Variants in PTPRD observed in about 807,000 individuals in gnomAD.
PTPRD encodes receptor-type tyrosine-protein phosphatase delta.
PTPRD carries 34 observed loss-of-function variants against 214.5 expected under a neutral mutation model. That is an observed-to-expected ratio of 0.16 (90% CI 0.12 to 0.21). The LOEUF (loss-of-function observed/expected upper bound fraction) is 0.21. PTPRD is among the 10% of genes least tolerant of loss of function. The probability of loss-of-function intolerance (pLI) is 1.00; values close to 1 mark genes in which losing one functional copy is unlikely to be tolerated. For missense variants in PTPRD, 2,545 were observed against 2,398.7 expected (o/e 1.06, Z -1.27); for synonymous variants, 1,128 against 845.7 (o/e 1.33, Z -5.79).
intron 2 of PTPRD, among the ~76,000 whole-genome samples, chr9:10,449,833 A>T (rs1156384200): frequency 1.1e-4 from 17 of 151,954 alleles, no homozygotes; most frequent in Admixed American, 3.3e-4. Context: ...AAGAGAGATC[A>T]GATTGTTACT....
At chr9:10,073,165 T>G (rs1331979721) in intron 3 of PTPRD, among the ~76,000 whole-genome samples, 8 of 152,004 alleles carry the variant, frequency 5.3e-5, no homozygotes, top group Admixed American at 5.3e-4. Flanking sequence ...CCCACAAGGT[T>G]TTAGGGCAGT....
At chr9:9,775,603 A>G (rs1003734123) in intron 5 of PTPRD, among the ~76,000 whole-genome samples, 1 of 152,148 alleles carries the variant, frequency 6.6e-6, no homozygotes, top group Non-Finnish European at 1.5e-5. Context: ...CTTCAATTTT[A>G]TCTTCATCCA....
intron 8 of PTPRD, among the ~76,000 whole-genome samples, chr9:9,467,752 C>G (rs981507928): frequency 6.6e-6 from 1 of 151,896 alleles, no homozygotes; most frequent in Non-Finnish European, 1.5e-5. Flanking sequence ...TAGGTATTGA[C>G]TTTTCTGCAT....
At chr9:10,350,086 G>A (rs923254390) in intron 2 of PTPRD, among the ~76,000 whole-genome samples, 1 of 152,208 alleles carries the variant, frequency 6.6e-6, no homozygotes, top group African/African-American at 2.4e-5. Context: ...TGACACTATT[G>A]ATTAGACAAT....
chr9:8,598,269 T>C (rs1024154785), intron 14 of PTPRD, among the ~76,000 whole-genome samples: 3 of 152,092 alleles, frequency 2.0e-5, no homozygotes, highest in African/African-American at 4.8e-5. Flanking sequence ...CTGGCCAACA[T>C]GGTGAAACCC....
At chr9:9,608,897 T>G (rs2094348661) in intron 7 of PTPRD, among the ~76,000 whole-genome samples, 1 of 152,194 alleles carries the variant, frequency 6.6e-6, no homozygotes, top group Admixed American at 6.5e-5. Flanking sequence ...CTCCAACACT[T>G]CATTTATTGT....
At chr9:9,275,145 ATAATATAT>A (rs1944842657) in intron 9 of PTPRD, among the ~76,000 whole-genome samples, 1 of 62,768 alleles carries the variant, frequency 1.6e-5, no homozygotes, top group African/African-American at 7.6e-5. Context: ...TAATATATAT[ATAATATAT>A]TATATATATA....
chr9:10,201,258 T>C (rs186356502), intron 3 of PTPRD, among the ~76,000 whole-genome samples: 7 of 152,140 alleles, frequency 4.6e-5, no homozygotes, highest in Admixed American at 2.0e-4. Flanking sequence ...AACATTGATT[T>C]AGAAAATCTG....
intron 7 of PTPRD, among the ~76,000 whole-genome samples, chr9:9,694,504 G>T (rs573597808): frequency 3.4e-4 from 51 of 152,046 alleles, no homozygotes; most frequent in Non-Finnish European, 6.8e-4. Flanking sequence ...TGCTGGGTCA[G>T]ATCTGAAGCC....
At chr9:10,137,503 A>C (rs1300169136) in intron 3 of PTPRD, among the ~76,000 whole-genome samples, 1 of 74,028 alleles carries the variant, frequency 1.4e-5, no homozygotes, top group African/African-American at 5.9e-5. Flanking sequence ...TTGAACAATG[A>C]GATCACATGG....
Position 8,588,428 on chromosome 9 carries a change from A to C in PTPRD, c.352+44889T>G, listed in dbSNP as rs558300727. Among the ~76,000 whole-genome samples the C allele has an allele frequency of 1.0e-3, 153 of 152,338 alleles. 3 individuals are homozygous for C. The South Asian group carries it at 0.031, about 31-fold the overall frequency. On this transcript the variant is annotated intron_variant, in intron 14 of 45. Transcript: ENST00000381196. ...TGTGTTTTGGAAGTTCAAGTCTCCAACACTATGAAATATAAAAGACACAAC... is the reference window on the plus strand; with the variant it reads ...TGTGTTTTGGAAGTTCAAGTCTCCACCACTATGAAATATAAAAGACACAAC...
At chr9:9,232,529 C>T (rs937671455) in intron 9 of PTPRD, among the ~76,000 whole-genome samples, 1 of 152,006 alleles carries the variant, frequency 6.6e-6, no homozygotes, top group Non-Finnish European at 1.5e-5. Flanking sequence ...AAAATATAAA[C>T]ATTTCACTGT....
intron 34 of PTPRD, chr9:8,437,327 A>G: frequency 9.2e-7 from 1 of 1,089,474 alleles, no homozygotes; most frequent in East Asian, 2.6e-5. Context: ...TATTTTTTAA[A>G]AGGACTAATT....
intron 7 of PTPRD, among the ~76,000 whole-genome samples, chr9:9,635,096 A>T (rs2095715859): frequency 6.6e-6 from 1 of 152,200 alleles, no homozygotes; most frequent in South Asian, 2.1e-4. Context: ...AGACCATTAG[A>T]GATACAGTGT....
chr9:9,839,496 G>T (rs1403958843), intron 5 of PTPRD, among the ~76,000 whole-genome samples: 2 of 151,960 alleles, frequency 1.3e-5, no homozygotes, highest in Non-Finnish European at 2.9e-5. Context: ...AACTTACAAG[G>T]GACATGAAGG....
chr9:9,540,999 C>A (rs2077478082), intron 8 of PTPRD, among the ~76,000 whole-genome samples: 1 of 151,498 alleles, frequency 6.6e-6, no homozygotes, highest in Admixed American at 6.6e-5. Flanking sequence ...AAAAAAACAA[C>A]TAAAAAGGAC....
At chr9:9,311,035 T>G (rs546210346) in intron 9 of PTPRD, among the ~76,000 whole-genome samples, 1 of 151,730 alleles carries the variant, frequency 6.6e-6, no homozygotes, top group East Asian at 2.0e-4. Context: ...TTCAGCAACC[T>G]TAGCAAATTA....
At chr9:9,853,158 C>T (rs951473838) in intron 5 of PTPRD, among the ~76,000 whole-genome samples, 8 of 152,142 alleles carry the variant, frequency 5.3e-5, no homozygotes, top group South Asian at 2.1e-4. Flanking sequence ...TGTAAAGGGG[C>T]AGATAGTAAA....
At chr9:10,511,931 C>CGTGT (rs1412902752) in intron 2 of PTPRD, among the ~76,000 whole-genome samples, 1 of 63,806 alleles carries the variant, frequency 1.6e-5, no homozygotes, top group African/African-American at 6.1e-5. Flanking sequence ...TATATATATA[C>CGTGT]GTGTATATAT....
Sources: allele counts gnomAD v4.1 joint callset (sites outside exome capture counted in the v4.1 genomes callset), GRCh38; gene constraint gnomAD v4.1.1; transcripts MANE v1.5; gene names NCBI Gene and HGNC (gene_info 2026-07-23, HGNC 2026-07-21).